Variants in DDX24 observed in about 807,000 individuals in gnomAD.
DDX24 encodes the protein ATP-dependent RNA helicase DDX24.
In DDX24, 24 loss-of-function variants were observed where a neutral mutation model predicts 68.9. The observed-to-expected ratio is 0.35, with a 90% confidence interval of 0.25 to 0.49. The LOEUF (loss-of-function observed/expected upper bound fraction) is 0.49, where lower values mean the gene tolerates loss of function less well. Among genes scored for constraint, DDX24 ranks in the 20% least tolerant of loss-of-function variants. The pLI is 0.99. For synonymous variants in DDX24, 395 were observed against 385.2 expected, an observed-to-expected ratio of 1.03 and a Z score of -0.30; for missense variants, 989 against 1,039.0, an observed-to-expected ratio of 0.95 and a Z score of 0.66.
intron 2 of DDX24, among the ~76,000 whole-genome samples, chr14:94,069,777 A>G (rs189672458): frequency 1.7e-3 from 266 of 152,332 alleles, no homozygotes; most frequent in Middle Eastern, 0.01. Flanking sequence ...ATCTCAATAG[A>G]TGGAGAAAAA....
intron 8 of DDX24, among the ~76,000 whole-genome samples, chr14:94,052,167 C>T (rs113940553): frequency 0.011 from 1,602 of 152,352 alleles, 35 homozygotes; most frequent in African/African-American, 0.036. Context: ...ACTTGGGCAC[C>T]GAGGTGTCAA....
chr14:94,079,685 T>C lies in DDX24; in HGVS notation c.58A>G (p.Thr20Ala). The change falls in exon 2 of 9, where the codon ACA becomes GCA. Residue 20 changes from threonine (T) to alanine (A), a missense_variant. Transcript: ENST00000621632. Reference sequence around the variant, plus strand: ...TTTCCCACAACTTTGATTCCCTTTGTCTGAAATTTGCCACAGCTTGACTGC... The same window carrying C: ...TTTCCCACAACTTTGATTCCCTTTGCCTGAAATTTGCCACAGCTTGACTGC... ...PKQSSCGKFQTKGIKVVGKWK... is the reference protein window; with the variant it reads ...PKQSSCGKFQAKGIKVVGKWK... 1 of 1,614,150 alleles carries C rather than the reference T, an allele frequency of 6.2e-7. No homozygotes were observed. Among genetic ancestry groups the C allele is most frequent in the Non-Finnish European group, 8.5e-7 (1 of 1,180,022 alleles).
In DDX24 at chr14:94,051,137, T is replaced by C; in HGVS notation, c.*54A>G. Reference sequence around the variant, plus strand: ...TGAAACACAAGGGTGGGAGAGGTTTTGCAAATAGCCAGAGAACAGAAACCA... The same window carrying C: ...TGAAACACAAGGGTGGGAGAGGTTTCGCAAATAGCCAGAGAACAGAAACCA... On this transcript the variant is annotated 3_prime_UTR_variant, in exon 9 of 9. Coordinates refer to ENST00000621632, the MANE Select transcript of DDX24 (RefSeq NM_020414.4). 1 of 1,478,088 alleles carries C rather than the reference T, an allele frequency of 6.8e-7. No homozygotes were observed. The highest frequency in any genetic ancestry group is 9.0e-7 in the Non-Finnish European group (1 of 1,116,172). 91.6% of individuals were successfully genotyped at this position (1,478,088 alleles called of 1,614,324 possible).
chr14:94,077,992 G>T (rs1268476364), intron 2 of DDX24, among the ~76,000 whole-genome samples: 4 of 151,762 alleles, frequency 2.6e-5, no homozygotes, highest in Non-Finnish European at 4.4e-5. Flanking sequence ...TGTAACCGTG[G>T]GTTCTGCATC....
chr14:94,060,710 ACACG>A, intron 4 of DDX24, 97 bp from the exon 5 acceptor site: 1 of 1,477,674 alleles, frequency 6.8e-7, no homozygotes, highest in African/African-American at 1.4e-5. Flanking sequence ...ACACACACAC[ACACG>A]TACACACCCC....
chr14:94,070,211 C>T (rs1885801451), intron 2 of DDX24, among the ~76,000 whole-genome samples: 2 of 151,880 alleles, frequency 1.3e-5, no homozygotes, highest in South Asian at 2.1e-4. Flanking sequence ...CTCTTTTATA[C>T]ACCAACAGCG....
Position 94,055,144 on chromosome 14 carries a change from C to T in DDX24, c.2030G>A (p.Arg677Gln), listed in dbSNP as rs1348543022. The T allele has an allele frequency of 3.1e-6, 5 of 1,614,160 alleles. No individual in the cohort carries two copies. Among genetic ancestry groups the T allele is most frequent in the Non-Finnish European group, 4.2e-6 (5 of 1,179,994 alleles). The part of the protein sequence containing the change: ...TSEIYVHRSG[R>Q]TARATNEGLS... ...GCCTTCATTGGTAGCTCGAGCAGTT[C>T]GACCACTTCGGTGGACATAAATCTC... The change falls in exon 7 of 9, where the codon CGA (arginine) becomes CAA (glutamine). Residue 677 changes from arginine (R) to glutamine (Q), a missense_variant. This residue lies in a region of DDX24 where 691 missense variants were observed against 760.0 expected (regional missense o/e 0.91). Transcript: ENST00000621632.
chr14:94,063,832 G>A (rs1228848917), intron 2 of DDX24, among the ~76,000 whole-genome samples: 1 of 152,212 alleles, frequency 6.6e-6, no homozygotes, highest in African/African-American at 2.4e-5. Flanking sequence ...GAGCATGGGA[G>A]TTTGAGGCTG....
In DDX24 at chr14:94,062,480, G is replaced by T. The variant is rs748732024; in HGVS notation, c.860C>A (p.Ser287Ter). 3 of 1,614,128 alleles carry T rather than the reference G, an allele frequency of 1.9e-6. No homozygotes were observed. Among genetic ancestry groups the T allele is most frequent in the Non-Finnish European group, 2.5e-6 (3 of 1,180,028 alleles). Reference sequence around the variant, plus strand: ...AGACTCAGCTTCAGCCTTGCCTGGTGATCTAGTCTCAGCTCCGGCCTCAGT... The same window carrying T: ...AGACTCAGCTTCAGCCTTGCCTGGTTATCTAGTCTCAGCTCCGGCCTCAGT... ...TRTEAGAETR[S>*]PGKAEAESDA... The change falls in exon 3 of 9, where the codon TCA becomes TAA. Residue 287 changes from serine to a stop codon, truncating the protein, a stop_gained. Coordinates refer to ENST00000621632, the MANE Select transcript of DDX24 (RefSeq NM_020414.4). LOFTEE classifies it high-confidence loss of function.
rs757372085 is a variant in DDX24 at position 94,062,200 on chromosome 14, A to G, written c.1140T>C (p.Cys380=). Residue 380 remains cysteine (C), a synonymous_variant, in exon 3 of 9, where the codon TGT becomes TGC. Coordinates refer to ENST00000621632, the MANE Select transcript of DDX24 (RefSeq NM_020414.4). ...GCAGAGGACGCTTTGGATATGCCTT[A>G]CAGGTGGCGCTTTTGTCATCCAACT... is the stretch of plus-strand genomic sequence containing the variant. ...KQELDDKSAT[C]KAYPKRPLLG... is the part of the protein sequence containing the mutation. The G allele has an allele frequency of 6.2e-7, 1 of 1,614,132 alleles. No homozygotes were observed. Among genetic ancestry groups the G allele is most frequent in the Non-Finnish European group, 8.5e-7 (1 of 1,180,014 alleles).
intron 7 of DDX24, among the ~76,000 whole-genome samples, chr14:94,053,810 G>A (rs192615470): frequency 4.6e-4 from 70 of 151,798 alleles, no homozygotes; most frequent in African/African-American, 1.5e-3. Context: ...GCAAAGCTCC[G>A]TCTCAAAAAA....
intron 2 of DDX24, among the ~76,000 whole-genome samples, chr14:94,078,450 G>A (rs1001371447): frequency 2.6e-5 from 4 of 152,142 alleles, no homozygotes; most frequent in Non-Finnish European, 4.4e-5. Context: ...ACACAGCATA[G>A]TCCTAACACT....
intron 2 of DDX24, among the ~76,000 whole-genome samples, chr14:94,070,626 T>G (rs1005348072): frequency 1.6e-4 from 24 of 152,172 alleles, no homozygotes; most frequent in Admixed American, 1.1e-3. Context: ...AAGCCCATAG[T>G]CACCAAAACA....
chr14:94,060,359 A>G lies in DDX24; in HGVS notation c.1652T>C (p.Ile551Thr). 11 of 1,614,186 alleles carry G rather than the reference A, an allele frequency of 6.8e-6. No individual in the cohort carries two copies. Among genetic ancestry groups the G allele is most frequent in the Non-Finnish European group, 9.3e-6 (11 of 1,180,040 alleles). Residue 551 changes from isoleucine to threonine, a missense_variant, in exon 5 of 9, where the codon ATT becomes ACT. This residue lies in a region of DDX24 where 691 missense variants were observed against 760.0 expected (regional missense o/e 0.91). Transcript: ENST00000621632. ...KIGMRGKPKV[I>T]DLTRNEATVE... ...CGTGGCCTCATTCCTTGTGAGGTCA[A>G]TGACCTTGGGCTTGCCCCTCATGCC...
chr14:94,051,333 GA>G lies in DDX24; in HGVS notation c.2437del (p.Ser813LeufsTer18). 1 of 1,613,462 alleles carries G rather than the reference GA, an allele frequency of 6.2e-7. No individual in the cohort carries two copies. On this transcript the variant is annotated frameshift_variant, in exon 9 of 9. Transcript: ENST00000621632. LOFTEE classifies it low-confidence loss of function (END_TRUNC). ...AGACACAAGCAGGGGCGGCTTGCCAGACTGAGTGGGATACTTGGTTTTCTGG... is the reference window on the plus strand; with the variant it reads ...AGACACAAGCAGGGGCGGCTTGCCAGCTGAGTGGGATACTTGGTTTTCTGG... ...ESQKTKYPTQSGKPPLLVSAP... is the reference protein window; with the variant it reads ...ESQKTKYPTQXGKPPLLVSAP...
intron 2 of DDX24, among the ~76,000 whole-genome samples, chr14:94,077,379 A>G (rs974294502): frequency 6.6e-6 from 1 of 152,238 alleles, no homozygotes; most frequent in African/African-American, 2.4e-5. Context: ...TCTGGCCACA[A>G]CGGCTCATAT....
At chr14:94,075,001 A>C (rs1445401336) in intron 2 of DDX24, among the ~76,000 whole-genome samples, 1 of 152,224 alleles carries the variant, frequency 6.6e-6, no homozygotes, top group East Asian at 1.9e-4. Flanking sequence ...CATTGCTAAG[A>C]AAAGTTAAAG....
At position 94,060,536 on chromosome 14, in the gene DDX24, A is replaced by T; in HGVS notation, c.1475T>A (p.Leu492His). 1 of 1,614,170 alleles carries T rather than the reference A, an allele frequency of 6.2e-7. No homozygotes were observed. Among genetic ancestry groups the T allele is most frequent in the East Asian group, 2.2e-5 (1 of 44,886 alleles). ...FAELSQLLEM[L>H]NDSQYNPKRQ... The stretch of plus-strand genomic sequence containing the variant: ...CTTTGGGTTGTATTGGGAGTCATTG[A>T]GCATCTCTAGCAGCTGTGAGAGCTC... Residue 492 changes from leucine to histidine, a missense_variant, in exon 5 of 9, where the codon CTC becomes CAC. Leu to His is a moderately conservative substitution (Grantham distance 99). Coordinates refer to ENST00000621632, the MANE Select transcript of DDX24 (RefSeq NM_020414.4).
At chr14:94,074,483 A>T (rs1885895839) in intron 2 of DDX24, among the ~76,000 whole-genome samples, 1 of 152,252 alleles carries the variant, frequency 6.6e-6, no homozygotes, top group Non-Finnish European at 1.5e-5. Flanking sequence ...ATTTCAATAT[A>T]TGCAGTAAAA....
Sources: gnomAD v4.1 joint callset for allele counts (sites outside exome capture counted in the v4.1 genomes callset) on GRCh38, gnomAD v4.1.1 for gene constraint, gnomAD v4.1.1 regional missense constraint, MANE v1.5 for transcripts, NCBI Gene and HGNC (gene_info 2026-07-23, HGNC 2026-07-21) for gene names.